C16orf74: variants seen among roughly 807,000 people sequenced by gnomAD.
C16orf74 encodes calcimembrin.
C16orf74 carries 10 observed loss-of-function variants against 6.5 expected under a neutral mutation model. The ratio of observed to expected loss-of-function variants is 1.54; its 90% CI spans 0.95 to 2.61. The LOEUF (loss-of-function observed/expected upper bound fraction) is 2.61, where lower values mean the gene tolerates loss of function less well. Ranked by LOEUF, C16orf74 falls within the 30% of genes most tolerant of loss-of-function variation. The pLI is 0.00. For missense variants in C16orf74, 141 were observed against 105.9 expected, an observed-to-expected ratio of 1.33 and a Z score of -1.45; for synonymous variants, 60 against 42.5, an observed-to-expected ratio of 1.41 and a Z score of -1.60.
chr16:85,723,684 A>T (rs1468994104), intron 2 of C16orf74, among the ~76,000 whole-genome samples: 1 of 152,184 alleles, frequency 6.6e-6, no homozygotes, highest in Admixed American at 6.5e-5. Context: ...ATATTTACTG[A>T]AGTCCTGCTT....
At chr16:85,720,092 GTTATTA>G (rs1237937575) in intron 2 of C16orf74, among the ~76,000 whole-genome samples, 3 of 151,030 alleles carry the variant, frequency 2.0e-5, no homozygotes. Flanking sequence ...AAAGCTTTGT[GTTATTA>G]TGGATGAGGC....
rs1438016920 is a variant in C16orf74, at chr16:85,726,369, GCT to G, written c.28+8819_28+8820del. 2.6e-5 allele frequency among the ~76,000 whole-genome samples: 4 copies of G among 152,306 alleles called. No individual in the cohort carries two copies. In the East Asian group the frequency reaches 7.7e-4, roughly 29 times the overall value. ...TTGCCCGGGACACACTCTCCTCTGG[GCT>G]CTGTCCCGCACTGGAAGGGAACCAG... On this transcript the variant is annotated intron_variant, in intron 2 of 3. Coordinates refer to ENST00000284245, the MANE Select transcript of C16orf74 (RefSeq NM_206967.3).
chr16:85,713,664 A>G (rs1327298262), intron 2 of C16orf74, among the ~76,000 whole-genome samples: 4 of 152,246 alleles, frequency 2.6e-5, no homozygotes, highest in Non-Finnish European at 4.4e-5. Context: ...ACACCTGCAA[A>G]GACACTACTC....
chr16:85,728,325 T>C (rs1289524939), intron 2 of C16orf74, among the ~76,000 whole-genome samples: 1 of 152,042 alleles, frequency 6.6e-6, no homozygotes, highest in African/African-American at 2.4e-5. Flanking sequence ...TTCTGTAAAT[T>C]AAAACTGTCC....
intron 2 of C16orf74, among the ~76,000 whole-genome samples, chr16:85,716,240 GA>G (rs2054022116): frequency 6.6e-6 from 1 of 151,786 alleles, no homozygotes; most frequent in Non-Finnish European, 1.5e-5. Context: ...TCTCGGAGGA[GA>G]GGGGGTTGGA....
intron 3 of C16orf74, among the ~76,000 whole-genome samples, chr16:85,709,501 A>ATTG (rs937611834): frequency 8.1e-5 from 5 of 61,818 alleles, no homozygotes; most frequent in African/African-American, 1.8e-4. Flanking sequence ...CAATGTTATT[A>ATTG]TTATTATTAT....
chr16:85,737,960 GA>G (rs2054262334), intron 1 of C16orf74, among the ~76,000 whole-genome samples: 1 of 114,052 alleles, frequency 8.8e-6, no homozygotes. Context: ...TTTTTTTTGT[GA>G]TTTTTTTTTT....
intron 2 of C16orf74, among the ~76,000 whole-genome samples, chr16:85,728,594 C>G (rs991761712): frequency 6.6e-6 from 1 of 152,212 alleles, no homozygotes; most frequent in Non-Finnish European, 1.5e-5. Context: ...GCCAGCCACT[C>G]TAGTGGGAAA....
At chr16:85,747,440 A>AC (rs1379385458) in intron 1 of C16orf74, among the ~76,000 whole-genome samples, 1 of 151,774 alleles carries the variant, frequency 6.6e-6, no homozygotes, top group Non-Finnish European at 1.5e-5. Flanking sequence ...CAACAGAGAG[A>AC]CCCCATCTCA....
intron 1 of C16orf74, among the ~76,000 whole-genome samples, chr16:85,741,166 A>G (rs2054303075): frequency 6.6e-6 from 1 of 152,196 alleles, no homozygotes; most frequent in African/African-American, 2.4e-5. Flanking sequence ...CCAGGGCAGG[A>G]TGCGGGCGGC....
intron 2 of C16orf74, among the ~76,000 whole-genome samples, chr16:85,712,795 C>T (rs752152966): frequency 5.9e-5 from 9 of 152,184 alleles, no homozygotes; most frequent in African/African-American, 1.9e-4. Context: ...TCTCTGTCCG[C>T]GGTTTCTGAG....
At chr16:85,745,139 T>TAAAAAAAAAAAAAAA (rs10554549) in intron 1 of C16orf74, among the ~76,000 whole-genome samples, 6 of 51,010 alleles carry the variant, frequency 1.2e-4, no homozygotes, top group African/African-American at 5.4e-4. Flanking sequence ...AAACTCTGTC[T>TAAAAAAAAAAAAAAA]AAAAAAAAAA....
chr16:85,731,098 G>A lies in C16orf74; in HGVS notation c.28+4092C>T, dbSNP rs375048416. 2.0e-5 allele frequency among the ~76,000 whole-genome samples: 3 copies of A among 152,222 alleles called. No homozygotes were observed. In the East Asian group the frequency reaches 5.8e-4, roughly 29 times the overall value. ...ATAGTATGTCCTTGAGCAGAGTCCTGTCTTTATGATTCTTCAAGTCCTCTC... is the reference window on the plus strand; with the variant it reads ...ATAGTATGTCCTTGAGCAGAGTCCTATCTTTATGATTCTTCAAGTCCTCTC... On this transcript the variant is annotated intron_variant, in intron 2 of 3. Coordinates refer to ENST00000284245, the MANE Select transcript of C16orf74 (RefSeq NM_206967.3).
chr16:85,722,121 C>T (rs2054089356), intron 2 of C16orf74, among the ~76,000 whole-genome samples: 1 of 151,690 alleles, frequency 6.6e-6, no homozygotes, highest in Non-Finnish European at 1.5e-5. Flanking sequence ...CTTGGGCCCC[C>T]TAAGTAAGCT....
chr16:85,738,211 C>T (rs976053504), intron 1 of C16orf74, among the ~76,000 whole-genome samples: 10 of 151,904 alleles, frequency 6.6e-5, no homozygotes, highest in South Asian at 2.1e-4. Flanking sequence ...TGCCACTTCA[C>T]GCCAGCCTGG....
At chr16:85,717,043 C>A (rs2054032249) in intron 2 of C16orf74, among the ~76,000 whole-genome samples, 1 of 152,212 alleles carries the variant, frequency 6.6e-6, no homozygotes. Flanking sequence ...GCAGGAAGAC[C>A]TCCCCACTTC....
intron 2 of C16orf74, among the ~76,000 whole-genome samples, chr16:85,725,309 G>A (rs774530904): frequency 3.2e-4 from 49 of 151,542 alleles, no homozygotes; most frequent in Non-Finnish European, 5.5e-4. Context: ...CTGCACACCT[G>A]GGTTCCCAGC....
intron 2 of C16orf74, 88 bp from the exon 3 acceptor site, chr16:85,710,395 T>G (rs919105724): frequency 7.6e-7 from 1 of 1,310,100 alleles, no homozygotes; most frequent in African/African-American, 1.6e-5. Flanking sequence ...GGCGCCACCC[T>G]CCCTTCACTA....
At chr16:85,709,645 C>T (rs2053947721) in intron 3 of C16orf74, among the ~76,000 whole-genome samples, 1 of 152,216 alleles carries the variant, frequency 6.6e-6, no homozygotes, top group African/African-American at 2.4e-5. Context: ...GCAGGTAGGG[C>T]TGCCGATTTG....
Sources: allele counts gnomAD v4.1 joint callset (sites outside exome capture counted in the v4.1 genomes callset), GRCh38; gene constraint gnomAD v4.1.1; transcripts MANE v1.5; gene names NCBI Gene and HGNC (gene_info 2026-07-23, HGNC 2026-07-21).